The following UBAP2L variants were observed in gnomAD, a reference collection of about 807,000 sequenced individuals.
The protein encoded by UBAP2L is ubiquitin associated protein 2 like.
A neutral mutation model predicts 130.6 loss-of-function variants in UBAP2L; 12 were observed. The observed-to-expected ratio is 0.09, with a 90% CI of 0.06 to 0.15. The LOEUF is 0.15. Among genes scored for constraint, UBAP2L ranks in the 10% least tolerant of loss-of-function variants. The pLI, the probability that UBAP2L is intolerant of heterozygous loss-of-function variation, is 1.00. For missense variants in UBAP2L, 965 were observed against 1,332.5 expected, an observed-to-expected ratio of 0.72 and a Z score of 4.29; for synonymous variants, 503 against 524.7, an observed-to-expected ratio of 0.96 and a Z score of 0.57.
At chr1:154,255,013 GAAAAAAGATTCT>G (rs1258197745) in intron 16 of UBAP2L, 123 bp downstream of exon 16, 1 of 1,423,396 alleles carries the variant, frequency 7.0e-7, no homozygotes, top group Non-Finnish European at 9.5e-7. Flanking sequence ...CAGCATTAAA[GAAAAAAGATTCT>G]ACCTAATATA....
chr1:154,270,513 C>T lies in UBAP2L; in HGVS notation c.*218C>T. On this transcript the variant is annotated 3_prime_UTR_variant, in exon 27 of 27. Transcript: ENST00000428931. The stretch of plus-strand genomic sequence containing the variant: ...TTTGTATTTTCTCCTTTTTTTTCCC[C>T]CTTCCATTCCTTCTCCCCTCTTGCA... The T allele has an allele frequency of 6.9e-7, 1 of 1,447,304 alleles. No homozygotes were observed. The allele number at this position is 1,447,304 out of a possible 1,614,324, so 89.7% of individuals were successfully genotyped here. A position where few individuals can be genotyped will look rare whatever the true frequency, so the allele number is the denominator to read the frequency against.
chr1:154,232,436 A>C (rs1670169958), intron 4 of UBAP2L, among the ~76,000 whole-genome samples: 1 of 152,066 alleles, frequency 6.6e-6, no homozygotes, highest in African/African-American at 2.4e-5. Context: ...TTTTTTAAAA[A>C]CTTTTAAGTT....
intron 11 of UBAP2L, among the ~76,000 whole-genome samples, chr1:154,248,141 A>AT (rs1335388903): frequency 6.6e-6 from 1 of 151,830 alleles, no homozygotes; most frequent in African/African-American, 2.4e-5. Context: ...CTAATTTTGT[A>AT]TTTTTAGCAG....
At position 154,246,331 on chromosome 1, in the gene UBAP2L, A is replaced by T. The variant is rs778986394; in HGVS notation, c.970A>T (p.Ile324Leu). The T allele has an allele frequency of 6.2e-7, 1 of 1,613,532 alleles. No individual in the cohort carries two copies. Among genetic ancestry groups the T allele is most frequent in the Non-Finnish European group, 8.5e-7 (1 of 1,179,794 alleles). ...LVFSNSKQTA[I>L]SQPASGNTFS... Reference sequence around the variant, plus strand: ...GTTCAGTAATTCGAAGCAGACTGCCATATCACAGCCTGCTTCAGGGAACAC... The same window carrying T: ...GTTCAGTAATTCGAAGCAGACTGCCTTATCACAGCCTGCTTCAGGGAACAC... The change falls in exon 11 of 27, where the codon ATA becomes TTA. Residue 324 changes from isoleucine to leucine, a missense_variant. By Grantham distance (5) the Ile-to-Leu change is conservative. Coordinates refer to ENST00000428931, the MANE Select transcript of UBAP2L (RefSeq NM_014847.4).
intron 3 of UBAP2L, 34 bp downstream of exon 3, chr1:154,227,393 GA>G: frequency 6.4e-7 from 1 of 1,563,692 alleles, no homozygotes; most frequent in South Asian, 1.1e-5. Flanking sequence ...TACACTATGA[GA>G]AAAGATACCA....
chr1:154,242,287 A>G (rs1013448355), intron 9 of UBAP2L, among the ~76,000 whole-genome samples: 1 of 152,192 alleles, frequency 6.6e-6, no homozygotes, highest in African/African-American at 2.4e-5. Context: ...GTACTTTTCT[A>G]TACTTTCATG....
chr1:154,223,483 T>G (rs934636410), intron 1 of UBAP2L, among the ~76,000 whole-genome samples: 3 of 151,806 alleles, frequency 2.0e-5, no homozygotes, highest in Admixed American at 1.3e-4. Context: ...TATGTGTATA[T>G]GTAGTCTTGT....
Position 154,251,614 on chromosome 1 carries a change from C to T in UBAP2L, c.1625C>T (p.Ser542Leu). 1 of 1,614,136 alleles carries T rather than the reference C, an allele frequency of 6.2e-7. No individual in the cohort carries two copies. The highest frequency in any genetic ancestry group is 8.5e-7 in the Non-Finnish European group (1 of 1,180,014). ...TCCACCCCCACCACGAGCGCCTCTT[C>T]AAGCCAGGCTCCAAGTAGCCTGTAT... ...YESTPTTSAS[S>L]SQAPSSLYTS... The change falls in exon 14 of 27, where the codon TCA becomes TTA. Residue 542 changes from serine (S) to leucine (L), a missense_variant. This residue lies in a region of UBAP2L where 393 missense variants were observed against 408.1 expected (regional missense o/e 0.96). Transcript: ENST00000428931.
chr1:154,268,644 C>T (rs1684059229), intron 25 of UBAP2L, 113 bp from the exon 26 acceptor site: 1 of 1,003,398 alleles, frequency 1.0e-6, no homozygotes, highest in South Asian at 1.4e-5. Context: ...GTGTACTGTG[C>T]CTTCTGTGAC....
chr1:154,250,403 G>T (rs192188699), intron 12 of UBAP2L, among the ~76,000 whole-genome samples: 1 of 152,014 alleles, frequency 6.6e-6, no homozygotes, highest in Non-Finnish European at 1.5e-5. Context: ...AGGAAACAAC[G>T]TTATGCCAAG....
At chr1:154,220,491 C>T, upstream of UBAP2L, 2 of 1,498,774 alleles carry the variant, frequency 1.3e-6, no homozygotes, top group Non-Finnish European at 1.9e-6. Flanking sequence ...GCGACGGCGC[C>T]TGGGTCCCCT....
rs1297601409 is a variant in UBAP2L, at chr1:154,268,782, A to T, written c.2996A>T (p.His999Leu). ...TQQSFEKQGF[H>L]SGTPAASFNL... ...CAGTCCTTTGAGAAACAAGGTTTTC[A>T]TTCCGGTACTCCTGCTGCTTCCTTC... Residue 999 changes from histidine (H) to leucine (L), a missense_variant, in exon 26 of 27, where the codon CAT (histidine) becomes CTT (leucine). His to Leu is a moderately conservative substitution (Grantham distance 99, BLOSUM62 -3). Around this residue, in one of 9 missense-constraint regions of UBAP2L, gnomAD observed 194 missense variants for 334.0 expected, o/e 0.58. Transcript: ENST00000428931. The T allele has an allele frequency of 6.2e-7, 1 of 1,613,998 alleles. No homozygotes were observed. The highest frequency in any genetic ancestry group is 8.5e-7 in the Non-Finnish European group (1 of 1,180,012).
rs769085979 is a variant in UBAP2L at position 154,225,122 on chromosome 1, A to T, written c.-2A>T. 1.2e-6 allele frequency: 2 copies of T among 1,614,064 alleles called. No homozygotes were observed. The highest frequency in any genetic ancestry group is 1.7e-6 in the Non-Finnish European group (2 of 1,179,946). ...AAATACTGTTATTTGTATATACTGT[A>T]AATGATGACATCGGTGGGCACTAAC... On this transcript the variant is annotated 5_prime_UTR_variant, in exon 2 of 27. Transcript: ENST00000428931.
chr1:154,246,227 G>A lies in UBAP2L; in HGVS notation c.866G>A (p.Gly289Glu), dbSNP rs1675442241. The A allele has an allele frequency of 6.2e-7, 1 of 1,612,042 alleles. No individual in the cohort carries two copies. The highest frequency in any genetic ancestry group is 8.5e-7 in the Non-Finnish European group (1 of 1,178,636). ...GQRIDLAVLLGKTPSTMENDS... is the reference protein window; with the variant it reads ...GQRIDLAVLLEKTPSTMENDS... ...AGAATTGACCTTGCTGTTCTGCTGGGGAAGACACCATCTACAATGGAGAAT... is the reference window on the plus strand; with the variant it reads ...AGAATTGACCTTGCTGTTCTGCTGGAGAAGACACCATCTACAATGGAGAAT... The change falls in exon 11 of 27, where the codon GGG (glycine) becomes GAG (glutamate). Residue 289 changes from glycine (G) to glutamate (E), a missense_variant. Transcript: ENST00000428931.
Position 154,254,530 on chromosome 1 carries a change from C to T in UBAP2L, c.1855-306C>T, listed in dbSNP as rs1678961822. On this transcript the variant is annotated intron_variant, in intron 15 of 26. Transcript: ENST00000428931. ...TGTACTTACCCTTCCCCAAAAATCA[C>T]TGGATGTGGACTTTGGGCCTTTCCT... is the stretch of plus-strand genomic sequence containing the variant. 8.2e-6 allele frequency: 4 copies of T among 488,350 alleles called. No individual in the cohort carries two copies. In the South Asian group the frequency reaches 1.0e-4, roughly 12 times the overall value. The allele number at this position is 488,350 out of a possible 1,614,324, so 30.3% of individuals were successfully genotyped here.
Position 154,270,778 on chromosome 1 carries a change from T to G in UBAP2L, c.*483T>G, listed in dbSNP as rs757295430. 85 of 1,274,456 alleles carry G rather than the reference T, an allele frequency of 6.7e-5. 2 individuals are homozygous for G. Among genetic ancestry groups the G allele is most frequent in the South Asian group, 1.1e-4 (5 of 47,108 alleles). 78.9% of individuals were successfully genotyped at this position (1,274,456 alleles called of 1,614,324 possible). ...GAAGTGGTTTTTTTTTTGTTTTTTT[T>G]TTTTTTTTGTACTGTGTCCTCAAAT... On this transcript the variant is annotated 3_prime_UTR_variant, in exon 27 of 27. Coordinates refer to ENST00000428931, the MANE Select transcript of UBAP2L (RefSeq NM_014847.4).
chr1:154,247,255 ATTG>A lies in UBAP2L; in HGVS notation c.1014+885_1014+887del, dbSNP rs1321941969. On this transcript the variant is annotated intron_variant, in intron 11 of 26. Transcript: ENST00000428931. Reference sequence around the variant, plus strand: ...TAATTCAGAACTCGGTCAGTTTTTAATTGTTGTCTTAAAATGTTTTTTGTGTGT... The same window carrying A: ...TAATTCAGAACTCGGTCAGTTTTTAATTGTCTTAAAATGTTTTTTGTGTGT... Among the ~76,000 whole-genome samples, 26 of 152,326 alleles carry A rather than the reference ATTG, an allele frequency of 1.7e-4. No homozygotes were observed. In the East Asian group the frequency reaches 2.5e-3, roughly 15 times the overall value.
In UBAP2L at chr1:154,225,189, G is replaced by T; in HGVS notation, c.66G>T (p.Gln22His). 1 of 1,614,110 alleles carries T rather than the reference G, an allele frequency of 6.2e-7. No homozygotes were observed. Among genetic ancestry groups the T allele is most frequent in the East Asian group, 2.2e-5 (1 of 44,876 alleles). The change falls in exon 2 of 27, where the codon CAG becomes CAT. Residue 22 changes from glutamine to histidine, a missense_variant. By Grantham distance (24) the Gln-to-His change is conservative. Coordinates refer to ENST00000428931, the MANE Select transcript of UBAP2L (RefSeq NM_014847.4). ...GGGAACAACCTCAAAACCAAAACCA[G>T]ACACAGCACAAGCAGCGGCCACAGG... ...GNWEQPQNQN[Q>H]TQHKQRPQAT...
chr1:154,258,804 A>G, intron 20 of UBAP2L, 173 bp from the exon 21 acceptor site: 1 of 554,576 alleles, frequency 1.8e-6, no homozygotes, highest in Non-Finnish European at 3.2e-6. Flanking sequence ...GAATCATTTA[A>G]TCTCTGTGTA....
Sources: gnomAD v4.1 joint callset for allele counts (sites outside exome capture counted in the v4.1 genomes callset) on GRCh38, gnomAD v4.1.1 for gene constraint, gnomAD v4.1.1 regional missense constraint, MANE v1.5 for transcripts, NCBI Gene and HGNC (gene_info 2026-07-23, HGNC 2026-07-21) for gene names.